The following AP2A1 variants were observed in gnomAD, a reference collection of about 807,000 sequenced individuals.
AP2A1 encodes the protein adaptor related protein complex 2 subunit alpha 1, also known as AP-2 complex subunit alpha-1.
AP2A1 carries 21 observed loss-of-function variants against 107.3 expected under a neutral mutation model. That is an observed-to-expected ratio of 0.20 (90% CI 0.14 to 0.28). The LOEUF is 0.28. Ranked by LOEUF, AP2A1 falls within the 10% of genes least tolerant of loss-of-function variation. The pLI is 1.00. For synonymous variants in AP2A1, 602 were observed against 564.8 expected (o/e 1.07, Z -0.93); for missense variants, 873 against 1,307.7 (o/e 0.67, Z 5.13).
intron 1 of AP2A1, among the ~76,000 whole-genome samples, chr19:49,779,098 AG>A (rs2084646517): frequency 6.6e-6 from 1 of 151,632 alleles, no homozygotes; most frequent in South Asian, 2.1e-4. Flanking sequence ...ACACTTTGAG[AG>A]GCCAATGTGG....
chr19:49,773,505 T>C (rs796430440), intron 1 of AP2A1, among the ~76,000 whole-genome samples: 12 of 152,294 alleles, frequency 7.9e-5, no homozygotes, highest in African/African-American at 2.4e-4. Context: ...AATGAATGAA[T>C]GAATGATGGA....
At chr19:49,805,413 C>T in intron 18 of AP2A1, 40 bp from the exon 19 acceptor site, 1 of 1,499,978 alleles carries the variant, frequency 6.7e-7, no homozygotes, top group Non-Finnish European at 9.0e-7. Flanking sequence ...TCCCGGGGGC[C>T]CACCTCCTCT....
At chr19:49,796,046 G>T in intron 7 of AP2A1, 1 of 327,376 alleles carries the variant, frequency 3.1e-6, no homozygotes, top group Non-Finnish European at 5.8e-6. Context: ...GGAATCTGAG[G>T]CTTGGAGAGG....
Position 49,806,898 on chromosome 19 carries a change from T to C in AP2A1, c.*140T>C. The C allele has an allele frequency of 6.5e-7, 1 of 1,540,836 alleles. No homozygotes were observed. Among genetic ancestry groups the C allele is most frequent in the Non-Finnish European group, 8.7e-7 (1 of 1,148,368 alleles). On this transcript the variant is annotated 3_prime_UTR_variant, in exon 23 of 23. Coordinates refer to ENST00000354293, the MANE Select transcript of AP2A1 (RefSeq NM_130787.3). ...GATGCCTGGGACTTTCCTCCGGCCT[T>C]TTGTATTTTTATTTTTGTTCATCTG... is the stretch of plus-strand genomic sequence containing the variant.
intron 4 of AP2A1, 37 bp from the exon 5 acceptor site, chr19:49,791,898 G>GAA (rs2073147296): frequency 6.4e-7 from 1 of 1,570,740 alleles, no homozygotes; most frequent in African/African-American, 1.4e-5. Flanking sequence ...TGGGGTCACT[G>GAA]ACTCTGCTTC....
At chr19:49,773,911 C>T (rs1177288811) in intron 1 of AP2A1, among the ~76,000 whole-genome samples, 4 of 152,134 alleles carry the variant, frequency 2.6e-5, no homozygotes, top group Admixed American at 1.3e-4. Context: ...CAGCTCCTGC[C>T]TTGGAGAGAG....
Position 49,793,013 on chromosome 19 carries a change from G to T in AP2A1, c.626G>T (p.Ser209Ile). ...CAGGGTGTGGTCACGGCCGCCGTCA[G>T]CCTCATCACCTGTCTCTGCAAGAAG... ...QHMGVVTAAV[S>I]LITCLCKKNP... The change falls in exon 6 of 23, where the codon AGC becomes ATC. Residue 209 changes from serine to isoleucine, a missense_variant. Ser to Ile is a moderately radical substitution (Grantham distance 142). Transcript: ENST00000354293. The T allele has an allele frequency of 6.2e-7, 1 of 1,608,236 alleles. No individual in the cohort carries two copies. Among genetic ancestry groups the T allele is most frequent in the Admixed American group, 1.7e-5 (1 of 59,198 alleles).
intron 4 of AP2A1, among the ~76,000 whole-genome samples, chr19:49,789,743 ATTTC>A (rs2073119246): frequency 6.6e-6 from 1 of 151,938 alleles, no homozygotes; most frequent in Admixed American, 6.6e-5. Context: ...CCACCATCTT[ATTTC>A]TTTCTCCCCA....
chr19:49,786,596 G>T (rs1241722887), intron 4 of AP2A1, among the ~76,000 whole-genome samples: 1 of 152,184 alleles, frequency 6.6e-6, no homozygotes, highest in Non-Finnish European at 1.5e-5. Context: ...CGCTCTGGCA[G>T]GGGGGGTGGG....
chr19:49,784,356 C>G (rs913771124), intron 4 of AP2A1, among the ~76,000 whole-genome samples: 1 of 151,666 alleles, frequency 6.6e-6, no homozygotes, highest in Admixed American at 6.6e-5. Flanking sequence ...CACTTGAACC[C>G]GGGAGGCAGA....
At chr19:49,774,005 G>A (rs1380726359) in intron 1 of AP2A1, among the ~76,000 whole-genome samples, 1 of 97,050 alleles carries the variant, frequency 1.0e-5, no homozygotes, top group African/African-American at 4.4e-5. Context: ...CTTTTACTTC[G>A]AACTTGCTGG....
In AP2A1 at chr19:49,788,756, T is replaced by G. The variant is rs1379471587; in HGVS notation, c.474-3179T>G. On this transcript the variant is annotated intron_variant, in intron 4 of 22. Coordinates refer to ENST00000354293, the MANE Select transcript of AP2A1 (RefSeq NM_130787.3). The surrounding 1 kb of genome is among the most constrained non-coding windows in gnomAD (Gnocchi z 4.5). The stretch of plus-strand genomic sequence containing the variant: ...TGGCCTGGAGTCAGGGCTCGGGAGA[T>G]GTGCGCTGTGACGGAGGTGGGAAAG... Among the ~76,000 whole-genome samples, 1 of 150,956 alleles carries G rather than the reference T, an allele frequency of 6.6e-6. No individual in the cohort carries two copies. Among genetic ancestry groups the G allele is most frequent in the Non-Finnish European group, 1.5e-5 (1 of 67,720 alleles).
At chr19:49,795,492 A>T (rs559339939) in intron 6 of AP2A1, 138 bp from the exon 7 acceptor site, 8 of 641,080 alleles carry the variant, frequency 1.2e-5, no homozygotes, top group Non-Finnish European at 2.2e-5. Flanking sequence ...CCCTGTCTCT[A>T]CAAAAAAAAC....
At chr19:49,771,621 C>T (rs956929180) in intron 1 of AP2A1, among the ~76,000 whole-genome samples, 14 of 151,894 alleles carry the variant, frequency 9.2e-5, no homozygotes, top group Non-Finnish European at 1.3e-4. Context: ...GTTGGCCAGG[C>T]TGGTCTCGAA....
In AP2A1 at chr19:49,803,121, A is replaced by G. The variant is rs1458347793; in HGVS notation, c.2186A>G (p.Asn729Ser). The G allele has an allele frequency of 6.2e-7, 1 of 1,614,006 alleles. No homozygotes were observed. ...TGCCCCCTCAGGTTTGTGTGTAAGA[A>G]CAACGGGGTCCTGTTCGAGAACCAG... ...DELLNKFVCK[N>S]NGVLFENQLL... The change falls in exon 17 of 23, where the codon AAC (asparagine) becomes AGC (serine). Residue 729 changes from asparagine (N) to serine (S), a missense_variant. Coordinates refer to ENST00000354293, the MANE Select transcript of AP2A1 (RefSeq NM_130787.3).
chr19:49,805,656 A>T lies in AP2A1; in HGVS notation c.2469-5A>T. On this transcript the variant is annotated splice_polypyrimidine_tract_variant and splice_region_variant and intron_variant, in intron 19 of 22. Coordinates refer to ENST00000354293, the MANE Select transcript of AP2A1 (RefSeq NM_130787.3). ...CCTAATGGAGCCTCCCTTTCACCTC[A>T]TCAGGTACGGTGGCGCCCCCCAGGC... 6.4e-7 allele frequency: 1 copy of T among 1,559,332 alleles called. No individual in the cohort carries two copies.
At chr19:49,767,507 G>T (rs1600209728) in intron 1 of AP2A1, among the ~76,000 whole-genome samples, 1 of 152,014 alleles carries the variant, frequency 6.6e-6, no homozygotes, top group South Asian at 2.1e-4. Flanking sequence ...TGAAAAGCTG[G>T]GGGATCTTAC....
intron 1 of AP2A1, among the ~76,000 whole-genome samples, chr19:49,768,744 A>G (rs2084528406): frequency 6.6e-6 from 1 of 152,130 alleles, no homozygotes; most frequent in African/African-American, 2.4e-5. Context: ...CTGTTAGCAG[A>G]CGGGGGCTGC....
At position 49,802,182 on chromosome 19, in the gene AP2A1, C is replaced by G. The variant is rs1345314755; in HGVS notation, c.2114+41C>G. ...CCCGGGCCCCTTCTCGCGGCCACCC[C>G]CAGGGCTGTCCCTTCTCGGCCTCTG... On this transcript the variant is annotated intron_variant, in intron 15 of 22. Coordinates refer to ENST00000354293, the MANE Select transcript of AP2A1 (RefSeq NM_130787.3). The G allele has an allele frequency of 2.7e-6, 4 of 1,492,710 alleles. No homozygotes were observed. The East Asian group carries it at 7.3e-5, about 27-fold the overall frequency. The allele number at this position is 1,492,710 out of a possible 1,614,324, so 92.5% of individuals were successfully genotyped here. A position where few individuals can be genotyped will look rare whatever the true frequency, so the allele number is the denominator to read the frequency against.
Sources: allele counts gnomAD v4.1 joint callset (sites outside exome capture counted in the v4.1 genomes callset), GRCh38; gene constraint gnomAD v4.1.1; non-coding constraint Gnocchi (gnomAD v3.1); transcripts MANE v1.5; gene names NCBI Gene and HGNC (gene_info 2026-07-23, HGNC 2026-07-21).